The following PDXDC1 variants were observed in gnomAD, a reference collection of about 807,000 sequenced individuals.
PDXDC1 encodes the protein pyridoxal-dependent decarboxylase domain-containing protein 1.
In PDXDC1, 42 loss-of-function variants were observed where a neutral mutation model predicts 100.1. That is an observed-to-expected ratio of 0.42 (90% confidence interval 0.33 to 0.54). The LOEUF is 0.54. Ranked by LOEUF, PDXDC1 falls within the 20% of genes least tolerant of loss-of-function variation. The probability of loss-of-function intolerance (pLI) is 0.10; values close to 1 mark genes in which losing one functional copy is unlikely to be tolerated. For synonymous variants in PDXDC1, 260 were observed against 371.7 expected, an observed-to-expected ratio of 0.70 and a Z score of 3.46; for missense variants, 636 against 979.2, an observed-to-expected ratio of 0.65 and a Z score of 4.68.
chr16:15,073,048 A>C, intron 16 of PDXDC1: 1 of 1,612,778 alleles, frequency 6.2e-7, no homozygotes, highest in South Asian at 1.1e-5. Context: ...AGGTCGCGAT[A>C]TAGATCCTTT....
At chr16:15,074,634 A>T in intron 16 of PDXDC1, 1 of 905,692 alleles carries the variant, frequency 1.1e-6, no homozygotes, top group Non-Finnish European at 1.6e-6. Context: ...CAGGATTTTT[A>T]GTATTACTAG....
At chr16:15,000,469 G>A (rs548465683) in intron 3 of PDXDC1, among the ~76,000 whole-genome samples, 412 of 152,318 alleles carry the variant, frequency 2.7e-3, no homozygotes, top group African/African-American at 9.6e-3. Flanking sequence ...CTCACTTGAA[G>A]GGCAGCACCT....
chr16:15,143,347 G>A (rs2048504075), downstream of PDXDC1, among the ~76,000 whole-genome samples: 1 of 152,192 alleles, frequency 6.6e-6, no homozygotes, highest in Non-Finnish European at 1.5e-5. Flanking sequence ...AGGCCTGGAG[G>A]CTGCCCCTCC....
chr16:15,021,601 C>T (rs1442300324), intron 12 of PDXDC1, among the ~76,000 whole-genome samples: 2 of 152,292 alleles, frequency 1.3e-5, no homozygotes, highest in Admixed American at 6.5e-5. Context: ...CATTAACTAC[C>T]AGACCCTTGA....
intron 16 of PDXDC1, among the ~76,000 whole-genome samples, chr16:15,055,166 GC>G (rs2044455356): frequency 6.6e-6 from 1 of 152,214 alleles, no homozygotes; most frequent in South Asian, 2.1e-4. Flanking sequence ...TAGGACGTCT[GC>G]CCCCGCCGCC....
intron 3 of PDXDC1, among the ~76,000 whole-genome samples, chr16:14,999,449 T>C (rs8062077): frequency 0.68 from 99,265 of 146,700 alleles, 32,061 homozygotes; most frequent in Non-Finnish European, 0.76. Context: ...TGGTGCACAC[T>C]TGTAGTCCCA....
intron 4 of PDXDC1, among the ~76,000 whole-genome samples, chr16:15,003,243 G>T (rs1298676169): frequency 6.9e-6 from 1 of 144,626 alleles, no homozygotes; most frequent in Admixed American, 7.3e-5. Context: ...TTGAGATGGA[G>T]TCTTACTCTA....
At chr16:15,098,424 T>C (rs1409544746) in intron 16 of PDXDC1, among the ~76,000 whole-genome samples, 1 of 151,838 alleles carries the variant, frequency 6.6e-6, no homozygotes, top group Non-Finnish European at 1.5e-5. Context: ...TGGTCTCAAA[T>C]GCCTGACCTC....
intron 16 of PDXDC1, among the ~76,000 whole-genome samples, chr16:15,053,400 G>C (rs1391720044): frequency 6.6e-6 from 1 of 152,198 alleles, no homozygotes. Flanking sequence ...GCTTCTAACT[G>C]TTGGTACTCC....
chr16:15,089,605 C>T (rs8048552), intron 16 of PDXDC1, among the ~76,000 whole-genome samples: 9,165 of 150,648 alleles, frequency 0.061, 378 homozygotes, highest in Middle Eastern at 0.11. Flanking sequence ...TCGAGACCAT[C>T]CTGGCTAACA....
intron 1 of PDXDC1, among the ~76,000 whole-genome samples, chr16:14,991,029 A>G (rs1217011081): frequency 6.6e-6 from 1 of 152,290 alleles, no homozygotes; most frequent in Non-Finnish European, 1.5e-5. Flanking sequence ...GTCGTGAGCC[A>G]CTGCGCCCGG....
At chr16:15,065,122 C>T in intron 16 of PDXDC1, 1 of 1,268,134 alleles carries the variant, frequency 7.9e-7, no homozygotes, top group South Asian at 1.5e-5. Context: ...GCCGAGATCA[C>T]ACCACCGCAC....
Position 15,038,142 on chromosome 16 carries a change from A to T in PDXDC1, c.*1867A>T, listed in dbSNP as rs757624032. ...GAGCTGGAGATGGGTGTTTTTTTAA[A>T]AACATCAAGGTAGATCTAATATGTT... On this transcript the variant is annotated 3_prime_UTR_variant, in exon 23 of 23. Coordinates refer to ENST00000396410, the MANE Select transcript of PDXDC1 (RefSeq NM_015027.4). 6.2e-7 allele frequency: 1 copy of T among 1,613,276 alleles called. No homozygotes were observed. Among genetic ancestry groups the T allele is most frequent in the African/African-American group, 1.3e-5 (1 of 74,868 alleles).
At chr16:14,978,693 C>G (rs993290225) in intron 1 of PDXDC1, among the ~76,000 whole-genome samples, 1 of 152,294 alleles carries the variant, frequency 6.6e-6, no homozygotes, top group African/African-American at 2.4e-5. Context: ...CCGTGCCAGG[C>G]CAAAACCTGC....
At position 15,033,399 on chromosome 16, in the gene PDXDC1, G is replaced by T. The variant is rs1487349470; in HGVS notation, c.1812G>T (p.Arg604Ser). 3.1e-6 allele frequency: 5 copies of T among 1,613,830 alleles called. No homozygotes were observed. Among genetic ancestry groups the T allele is most frequent in the Non-Finnish European group, 4.2e-6 (5 of 1,179,880 alleles). The change falls in exon 19 of 23, where the codon AGG becomes AGT. Residue 604 changes from arginine to serine, a missense_variant and splice_region_variant. Around this residue, in one of 4 missense-constraint regions of PDXDC1, gnomAD observed 452 missense variants for 402.9 expected, o/e 1.12. Transcript: ENST00000396410. Reference sequence around the variant, plus strand: ...CCCGGGAGATAGAGGAGAACTCGAGGGTCCGTAGCACCCATCAGTGTTCAT... The same window carrying T: ...CCCGGGAGATAGAGGAGAACTCGAGTGTCCGTAGCACCCATCAGTGTTCAT... ...ATAREIEENS[R>S]LLENMTEVVR...
chr16:15,066,423 AG>A (rs2044975673), intron 16 of PDXDC1, among the ~76,000 whole-genome samples: 1 of 152,118 alleles, frequency 6.6e-6, no homozygotes, highest in African/African-American at 2.4e-5. Flanking sequence ...ACTTGAGCTC[AG>A]GAGTTTGAGA....
At chr16:15,023,734 G>C (rs1255248821) in intron 13 of PDXDC1, among the ~76,000 whole-genome samples, 1 of 152,292 alleles carries the variant, frequency 6.6e-6, no homozygotes, top group Non-Finnish European at 1.5e-5. Flanking sequence ...GGAGCCAGTT[G>C]ACCCGAGTTC....
intron 16 of PDXDC1, chr16:15,128,368 A>C (rs1284677579): frequency 3.1e-6 from 5 of 1,602,136 alleles, no homozygotes; most frequent in Non-Finnish European, 4.3e-6. Context: ...ATACAGCATG[A>C]TGCCCACGTG....
At chr16:15,090,614 A>G (rs2046091737) in intron 16 of PDXDC1, among the ~76,000 whole-genome samples, 1 of 152,230 alleles carries the variant, frequency 6.6e-6, no homozygotes, top group African/African-American at 2.4e-5. Context: ...AAAACACTCC[A>G]TATTTTTTAA....
Sources: gnomAD v4.1 joint callset for allele counts (sites outside exome capture counted in the v4.1 genomes callset) on GRCh38, gnomAD v4.1.1 for gene constraint, gnomAD v4.1.1 regional missense constraint, MANE v1.5 for transcripts, NCBI Gene and HGNC (gene_info 2026-07-23, HGNC 2026-07-21) for gene names.